The following SLC35F4 variants were observed in gnomAD, a reference collection of about 807,000 sequenced individuals.
SLC35F4 encodes the protein chromosome 14 open reading frame 36.
SLC35F4 carries 24 observed loss-of-function variants against 44.2 expected under a neutral mutation model. That is an observed-to-expected ratio of 0.54 (90% confidence interval 0.39 to 0.76). The LOEUF is 0.76. Ranked by LOEUF, SLC35F4 falls within the 30% of genes least tolerant of loss-of-function variation. The probability of loss-of-function intolerance (pLI) is 0.00; values close to 1 mark genes in which losing one functional copy is unlikely to be tolerated. For synonymous variants in SLC35F4, 238 were observed against 223.6 expected (o/e 1.06, Z -0.57); for missense variants, 562 against 586.1 (o/e 0.96, Z 0.42).
At chr14:57,840,686 T>A (rs1168703333) in intron 1 of SLC35F4, among the ~76,000 whole-genome samples, 1 of 152,192 alleles carries the variant, frequency 6.6e-6, no homozygotes, top group African/African-American at 2.4e-5. Context: ...ACCTTATCAC[T>A]CATGATTGAA....
intron 1 of SLC35F4, among the ~76,000 whole-genome samples, chr14:57,781,889 C>T (rs2077630253): frequency 6.6e-6 from 1 of 152,028 alleles, no homozygotes; most frequent in Admixed American, 6.6e-5. Flanking sequence ...AAGAGAGGAA[C>T]AACAGACACT....
At chr14:57,833,186 G>A (rs569065673) in intron 1 of SLC35F4, among the ~76,000 whole-genome samples, 71 of 152,194 alleles carry the variant, frequency 4.7e-4, no homozygotes, top group Middle Eastern at 3.4e-3. Context: ...TCATCTAATC[G>A]CAAGGCAATC....
chr14:57,849,308 T>A lies in SLC35F4; in HGVS notation c.103+16415A>T, dbSNP rs74587520. On this transcript the variant is annotated intron_variant, in intron 1 of 7. Transcript: ENST00000556826. ...CCCATAGTAGCTGGGATTATAGGCA[T>A]GCGCCACCATGCCCAGCTAGTTTTT... Among the ~76,000 whole-genome samples the A allele has an allele frequency of 2.3e-3, 352 of 152,266 alleles. 10 individuals carry two copies. The East Asian group carries it at 0.051, about 22-fold the overall frequency.
intron 1 of SLC35F4, among the ~76,000 whole-genome samples, chr14:57,851,759 A>G (rs1255840035): frequency 6.6e-6 from 1 of 152,182 alleles, no homozygotes; most frequent in Non-Finnish European, 1.5e-5. Flanking sequence ...AAATCCAAAT[A>G]AAATCTAGAG....
intron 1 of SLC35F4, among the ~76,000 whole-genome samples, chr14:57,888,217 T>G (rs181756694): frequency 5.3e-5 from 8 of 152,278 alleles, no homozygotes; most frequent in Admixed American, 4.6e-4. Context: ...CTAAGAAACA[T>G]AAGCCACAGA....
At chr14:57,710,067 G>C (rs1357907734) in intron 1 of SLC35F4, among the ~76,000 whole-genome samples, 2 of 152,220 alleles carry the variant, frequency 1.3e-5, no homozygotes, top group Non-Finnish European at 1.5e-5. Flanking sequence ...TTTAGAGCAG[G>C]CCCTCCCATC....
intron 1 of SLC35F4, among the ~76,000 whole-genome samples, chr14:57,724,876 T>C (rs1488039080): frequency 6.6e-6 from 1 of 152,192 alleles, no homozygotes; most frequent in Non-Finnish European, 1.5e-5. Context: ...CACCTGGTTG[T>C]GCACTTTTCA....
At chr14:57,802,322 C>T (rs2078210812) in intron 1 of SLC35F4, among the ~76,000 whole-genome samples, 1 of 151,758 alleles carries the variant, frequency 6.6e-6, no homozygotes, top group African/African-American at 2.4e-5. Context: ...TGGGATGTAG[C>T]CAAAGCAGTG....
At chr14:57,766,662 A>G (rs545665383) in intron 1 of SLC35F4, among the ~76,000 whole-genome samples, 1 of 152,348 alleles carries the variant, frequency 6.6e-6, no homozygotes, top group South Asian at 2.1e-4. Flanking sequence ...ATTCAAATTT[A>G]TTTTATAGTC....
In SLC35F4 at chr14:57,818,302, C is replaced by T. The variant is rs1299766094; in HGVS notation, c.103+47421G>A. 2.0e-5 allele frequency among the ~76,000 whole-genome samples: 3 copies of T among 152,268 alleles called. No homozygotes were observed. The South Asian group carries it at 6.2e-4, about 32-fold the overall frequency. ...TAACCCACTTGCTGAATGTGTGCTG[C>T]TTCTCTCCACAAACAGGATCTGTTT... On this transcript the variant is annotated intron_variant, in intron 1 of 7. Transcript: ENST00000556826.
intron 1 of SLC35F4, among the ~76,000 whole-genome samples, chr14:57,945,439 A>ATGTGTGTGTGTGTGTGTGTG (rs58976756): frequency 1.9e-5 from 2 of 104,690 alleles, no homozygotes; most frequent in African/African-American, 4.8e-5. Flanking sequence ...AGCAATGATA[A>ATGTGTGTGTGTGTGTGTGTG]TGTGTGTGTG....
At position 57,832,612 on chromosome 14, in the gene SLC35F4, A is replaced by G. The variant is rs568218001; in HGVS notation, c.103+33111T>C. Among the ~76,000 whole-genome samples, 85 of 152,350 alleles carry G rather than the reference A, an allele frequency of 5.6e-4. 1 individual carries two copies. Among genetic ancestry groups the G allele is most frequent in the African/African-American group, 1.7e-3 (70 of 41,592 alleles). ...CCATAACATTGTGTTGTAAACCTCA[A>G]ATATATACAATACAATTTATTAGAA... On this transcript the variant is annotated intron_variant, in intron 1 of 7. Coordinates refer to ENST00000556826, the MANE Select transcript of SLC35F4 (RefSeq NM_001306087.2).
At chr14:57,607,920 G>A (rs747802215) in intron 1 of SLC35F4, among the ~76,000 whole-genome samples, 18 of 151,976 alleles carry the variant, frequency 1.2e-4, no homozygotes, top group African/African-American at 4.4e-4. Context: ...GTGAAAGAGG[G>A]GTCAAGAATA....
intron 1 of SLC35F4, among the ~76,000 whole-genome samples, chr14:57,777,609 A>G (rs2077519592): frequency 6.6e-6 from 1 of 151,872 alleles, no homozygotes. Context: ...AGGGAACATC[A>G]CAAACAGAGA....
At chr14:57,607,152 G>A (rs1440291947) in intron 1 of SLC35F4, among the ~76,000 whole-genome samples, 1 of 152,204 alleles carries the variant, frequency 6.6e-6, no homozygotes, top group East Asian at 1.9e-4. Flanking sequence ...TGGTCCACAA[G>A]TATCTTCTCT....
chr14:57,891,957 T>A (rs1888779352), intron 1 of SLC35F4, among the ~76,000 whole-genome samples: 1 of 152,164 alleles, frequency 6.6e-6, no homozygotes, highest in South Asian at 2.1e-4. Context: ...TATAGAAAAG[T>A]TCTACAAATT....
At chr14:57,706,087 G>A (rs998922503) in intron 1 of SLC35F4, among the ~76,000 whole-genome samples, 10 of 152,122 alleles carry the variant, frequency 6.6e-5, no homozygotes, top group African/African-American at 2.4e-4. Context: ...TAGATAATTG[G>A]ATCAATCATT....
intron 1 of SLC35F4, among the ~76,000 whole-genome samples, chr14:57,613,857 A>C (rs2071651585): frequency 6.6e-6 from 1 of 152,226 alleles, no homozygotes; most frequent in Non-Finnish European, 1.5e-5. Flanking sequence ...GCAAGGAGGA[A>C]AGTAACATCT....
chr14:57,724,369 A>G (rs920403127), intron 1 of SLC35F4, among the ~76,000 whole-genome samples: 1 of 151,648 alleles, frequency 6.6e-6, no homozygotes, highest in Non-Finnish European at 1.5e-5. Flanking sequence ...GCAGATAACT[A>G]CTCTCCTTTT....
Sources: allele counts gnomAD v4.1 joint callset (sites outside exome capture counted in the v4.1 genomes callset), GRCh38; gene constraint gnomAD v4.1.1; transcripts MANE v1.5; gene names NCBI Gene and HGNC (gene_info 2026-07-23, HGNC 2026-07-21).